The following OPCML variants were observed in gnomAD, a reference collection of about 807,000 sequenced individuals.
OPCML encodes the protein opioid-binding protein/cell adhesion molecule.
OPCML carries 13 observed loss-of-function variants against 37.8 expected under a neutral mutation model. The observed-to-expected ratio is 0.34, with a 90% CI of 0.22 to 0.55. The LOEUF is 0.55. OPCML is among the 20% of genes least tolerant of loss of function. The probability of loss-of-function intolerance (pLI) is 0.91; values close to 1 mark genes in which losing one functional copy is unlikely to be tolerated. For missense variants in OPCML, 341 were observed against 435.6 expected, an observed-to-expected ratio of 0.78 and a Z score of 1.93; for synonymous variants, 176 against 168.8, an observed-to-expected ratio of 1.04 and a Z score of -0.33.
At chr11:133,003,064 T>C (rs1466684349) in intron 1 of OPCML, among the ~76,000 whole-genome samples, 1 of 152,168 alleles carries the variant, frequency 6.6e-6, no homozygotes, top group East Asian at 1.9e-4. Context: ...ATGCCAGATA[T>C]TGAAAAGAAA....
At chr11:133,129,962 A>G (rs903825747) in intron 1 of OPCML, among the ~76,000 whole-genome samples, 2 of 152,162 alleles carry the variant, frequency 1.3e-5, no homozygotes, top group Non-Finnish European at 2.9e-5. Context: ...TATGATTCAT[A>G]TTGAAAAAAT....
At chr11:133,006,533 C>G in intron 1 of OPCML, 2 of 985,410 alleles carry the variant, frequency 2.0e-6, no homozygotes, top group Non-Finnish European at 2.4e-6. Context: ...CCAATTGTAA[C>G]TAATAACTCG....
chr11:132,768,348 A>G (rs1251732777), intron 2 of OPCML, among the ~76,000 whole-genome samples: 1 of 152,178 alleles, frequency 6.6e-6, no homozygotes, highest in African/African-American at 2.4e-5. Context: ...ACATGACACT[A>G]TCAACTGATA....
At chr11:133,080,557 C>T (rs1043700034) in intron 1 of OPCML, among the ~76,000 whole-genome samples, 9 of 146,940 alleles carry the variant, frequency 6.1e-5, no homozygotes, top group African/African-American at 7.6e-5. Context: ...TGAGACAAGA[C>T]GGTTAGTTGA....
intron 2 of OPCML, among the ~76,000 whole-genome samples, chr11:132,727,439 G>C (rs763776338): frequency 2.0e-5 from 3 of 152,160 alleles, no homozygotes; most frequent in Non-Finnish European, 2.9e-5. Flanking sequence ...TGCCAGCCAG[G>C]GCTCTCCTGG....
intron 1 of OPCML, chr11:133,025,386 T>C: frequency 1.0e-6 from 1 of 985,360 alleles, no homozygotes; most frequent in East Asian, 1.1e-4. Flanking sequence ...TTGAAACCAG[T>C]ACTAGCCAAG....
chr11:133,147,581 G>A (rs929799392), intron 1 of OPCML, among the ~76,000 whole-genome samples: 13 of 152,102 alleles, frequency 8.5e-5, no homozygotes, highest in African/African-American at 2.2e-4. Flanking sequence ...ACCTGGGATC[G>A]ATGTTTTGGG....
Position 133,207,208 on chromosome 11 carries a change from G to A in OPCML, c.62-264198C>T, listed in dbSNP as rs537921980. Among the ~76,000 whole-genome samples, 190 of 152,098 alleles carry A rather than the reference G, an allele frequency of 1.2e-3. 1 individual carries two copies. Among genetic ancestry groups the A allele is most frequent in the African/African-American group, 4.3e-3 (180 of 41,486 alleles). On this transcript the variant is annotated intron_variant, in intron 1 of 7. Transcript: ENST00000524381. ...CCAGCTACTCGGGAGGCTGAGGCAG[G>A]AGAATGGCGTGAACCCAGGAGGCGG...
At chr11:133,175,356 G>A (rs1035153474) in intron 1 of OPCML, among the ~76,000 whole-genome samples, 1 of 152,116 alleles carries the variant, frequency 6.6e-6, no homozygotes, top group African/African-American at 2.4e-5. Context: ...TTTAGAGCTG[G>A]TGGTGAGAAA....
At chr11:133,316,024 A>G (rs1275438076) in intron 1 of OPCML, among the ~76,000 whole-genome samples, 1 of 152,204 alleles carries the variant, frequency 6.6e-6, no homozygotes, top group Admixed American at 6.5e-5. Flanking sequence ...GAGCAAAGTC[A>G]TCTCATCTCC....
chr11:132,661,611 A>G (rs1941980718), intron 2 of OPCML, among the ~76,000 whole-genome samples: 1 of 152,220 alleles, frequency 6.6e-6, no homozygotes, highest in Non-Finnish European at 1.5e-5. Context: ...GGGGGAGCCA[A>G]GAGGCAAGTT....
chr11:133,003,464 G>T (rs1429237646), intron 1 of OPCML, among the ~76,000 whole-genome samples: 1 of 152,116 alleles, frequency 6.6e-6, no homozygotes, highest in African/African-American at 2.4e-5. Flanking sequence ...CTTTTGTAAG[G>T]ATACAAGTGA....
rs146394925 is a variant in OPCML, at chr11:132,870,118, AC to A, written c.146+72807del. Among the ~76,000 whole-genome samples the A allele has an allele frequency of 3.3e-3, 497 of 152,286 alleles. 2 individuals carry two copies. The highest frequency in any genetic ancestry group is 0.011 in the African/African-American group (469 of 41,554). ...TCCGCAACTACATAACATAGATATT[AC>A]TAATTCCAGTTTAAGCATAAGAAAG... On this transcript the variant is annotated intron_variant, in intron 2 of 7. Transcript: ENST00000524381.
intron 2 of OPCML, among the ~76,000 whole-genome samples, chr11:132,864,228 G>A (rs1340929669): frequency 2.6e-5 from 4 of 152,112 alleles, no homozygotes; most frequent in Non-Finnish European, 4.4e-5. Flanking sequence ...ATGAGCCACC[G>A]CACCCAGCCT....
At chr11:133,220,759 T>G (rs1190677671) in intron 1 of OPCML, among the ~76,000 whole-genome samples, 2 of 152,000 alleles carry the variant, frequency 1.3e-5, no homozygotes, top group Admixed American at 1.3e-4. Flanking sequence ...TTCTGCCCCC[T>G]CTTCCATTTT....
At chr11:133,179,500 G>T (rs895672205) in intron 1 of OPCML, among the ~76,000 whole-genome samples, 17 of 152,130 alleles carry the variant, frequency 1.1e-4, no homozygotes, top group African/African-American at 4.1e-4. Context: ...AGGGAGCGGG[G>T]CCCCCTGAGG....
chr11:132,968,019 T>C (rs548485064), intron 1 of OPCML, among the ~76,000 whole-genome samples: 2 of 152,352 alleles, frequency 1.3e-5, no homozygotes, highest in South Asian at 4.1e-4. Context: ...ACCTACAGTT[T>C]GTAATTTTCA....
At chr11:132,962,780 C>T (rs1946121168) in intron 1 of OPCML, among the ~76,000 whole-genome samples, 1 of 152,204 alleles carries the variant, frequency 6.6e-6, no homozygotes, top group African/African-American at 2.4e-5. Context: ...CGGGCAGGCA[C>T]TTCACCGCAT....
At chr11:132,783,126 G>A (rs1213610313) in intron 2 of OPCML, among the ~76,000 whole-genome samples, 3 of 152,042 alleles carry the variant, frequency 2.0e-5, no homozygotes, top group Non-Finnish European at 4.4e-5. Context: ...AAGAGTTTGG[G>A]AAGGGTTTGT....
Sources: gnomAD v4.1 joint callset for allele counts (sites outside exome capture counted in the v4.1 genomes callset) on GRCh38, gnomAD v4.1.1 for gene constraint, MANE v1.5 for transcripts, NCBI Gene and HGNC (gene_info 2026-07-23, HGNC 2026-07-21) for gene names.